The following PFDN1 variants were observed in gnomAD, a reference collection of about 807,000 sequenced individuals.
The protein encoded by PFDN1 is prefoldin 1.
In PFDN1, 6 loss-of-function variants were observed where a neutral mutation model predicts 17.3. That is an observed-to-expected ratio of 0.35 (90% CI 0.19 to 0.69). The LOEUF is 0.69. Ranked by LOEUF, PFDN1 falls within the 30% of genes least tolerant of loss-of-function variation. The probability of loss-of-function intolerance (pLI) is 0.65; values close to 1 mark genes in which losing one functional copy is unlikely to be tolerated. For missense variants in PFDN1, 113 were observed against 146.2 expected (o/e 0.77, Z 1.17); for synonymous variants, 58 against 50.1 (o/e 1.16, Z -0.67).
intron 2 of PFDN1, among the ~76,000 whole-genome samples, chr5:140,293,821 G>T (rs1322259821): frequency 6.6e-6 from 1 of 152,008 alleles, no homozygotes; most frequent in Non-Finnish European, 1.5e-5. Context: ...CTGTGCAAGA[G>T]GAATGTGTGC....
intron 3 of PFDN1, among the ~76,000 whole-genome samples, chr5:140,248,171 C>T (rs113151760): frequency 3.6e-3 from 542 of 151,554 alleles, no homozygotes; most frequent in Middle Eastern, 0.017. Context: ...CGGGTTCACA[C>T]GATTCTCCCG....
intron 2 of PFDN1, among the ~76,000 whole-genome samples, chr5:140,293,798 C>T (rs1239864211): frequency 6.6e-6 from 1 of 152,008 alleles, no homozygotes; most frequent in Non-Finnish European, 1.5e-5. Context: ...CTCCTCTCCC[C>T]AGAGTACTAA....
At chr5:140,251,035 A>C (rs540647434) in intron 3 of PFDN1, among the ~76,000 whole-genome samples, 1 of 152,110 alleles carries the variant, frequency 6.6e-6, no homozygotes, top group Non-Finnish European at 1.5e-5. Context: ...CCCAGGTTTA[A>C]GCAATTCTCC....
chr5:140,299,473 G>A (rs190707826), intron 2 of PFDN1, among the ~76,000 whole-genome samples: 4 of 151,864 alleles, frequency 2.6e-5, no homozygotes, highest in South Asian at 2.1e-4. Flanking sequence ...GGTAGCATGC[G>A]CCTGTAGTCC....
chr5:140,293,825 T>C (rs1219853838), intron 2 of PFDN1, among the ~76,000 whole-genome samples: 1 of 152,060 alleles, frequency 6.6e-6, no homozygotes, highest in African/African-American at 2.4e-5. Flanking sequence ...GCAAGAGGAA[T>C]GTGTGCCCAT....
intron 3 of PFDN1, among the ~76,000 whole-genome samples, chr5:140,249,760 AG>A (rs1212305282): frequency 6.6e-6 from 1 of 152,064 alleles, no homozygotes; most frequent in African/African-American, 2.4e-5. Flanking sequence ...GAAATGAGAG[AG>A]GAGGTGCCAG....
At chr5:140,289,744 A>ATT (rs1427048661) in intron 2 of PFDN1, among the ~76,000 whole-genome samples, 10 of 152,264 alleles carry the variant, frequency 6.6e-5, no homozygotes, top group Non-Finnish European at 1.2e-4. Context: ...CATGGCCCAA[A>ATT]TTAAACTCAT....
intron 2 of PFDN1, among the ~76,000 whole-genome samples, chr5:140,299,330 G>T (rs1482927628): frequency 2.0e-5 from 3 of 152,126 alleles, no homozygotes; most frequent in Non-Finnish European, 4.4e-5. Flanking sequence ...TGAGGCCAGG[G>T]GCGGTGGCTC....
intron 2 of PFDN1, among the ~76,000 whole-genome samples, chr5:140,294,629 G>C (rs1765626583): frequency 6.6e-6 from 1 of 152,006 alleles, no homozygotes; most frequent in South Asian, 2.1e-4. Flanking sequence ...GGGCAGTTCA[G>C]CCAAGCTGTC....
chr5:140,249,433 A>G (rs1006781215), intron 3 of PFDN1, among the ~76,000 whole-genome samples: 1 of 152,226 alleles, frequency 6.6e-6, no homozygotes, highest in Non-Finnish European at 1.5e-5. Flanking sequence ...GTATGATCCT[A>G]GCTTATAAAG....
At chr5:140,277,417 G>T (rs1765312949) in intron 3 of PFDN1, among the ~76,000 whole-genome samples, 1 of 152,014 alleles carries the variant, frequency 6.6e-6, no homozygotes, top group African/African-American at 2.4e-5. Flanking sequence ...GTGGCAGCCA[G>T]TTCAAAGGTG....
chr5:140,271,476 T>C (rs1765204922), intron 3 of PFDN1, among the ~76,000 whole-genome samples: 1 of 152,144 alleles, frequency 6.6e-6, no homozygotes, highest in Admixed American at 6.5e-5. Context: ...CTTGCATTGA[T>C]TTCTAAGATA....
At position 140,255,242 on chromosome 5, in the gene PFDN1, C is replaced by T. The variant is rs1449630492; in HGVS notation, c.286-9185G>A. ...TACCAAATCTACTAATCGACCTACA[C>T]CTGTATGTATAGTCTCTTCTTTCTC... is the stretch of plus-strand genomic sequence containing the variant. On this transcript the variant is annotated intron_variant, in intron 3 of 3. Transcript: ENST00000261813. 2.0e-5 allele frequency among the ~76,000 whole-genome samples: 3 copies of T among 152,170 alleles called. No individual in the cohort carries two copies. In the East Asian group the frequency reaches 5.8e-4, roughly 29 times the overall value.
At chr5:140,300,624 A>C (rs1188627172) in intron 1 of PFDN1, 42 bp from the exon 2 acceptor site, 1 of 1,379,772 alleles carries the variant, frequency 7.2e-7, no homozygotes, top group Non-Finnish European at 1.0e-6. Flanking sequence ...AAAACATTTT[A>C]CAGGAAACAT....
intron 2 of PFDN1, among the ~76,000 whole-genome samples, chr5:140,296,810 C>T (rs1765661503): frequency 6.6e-6 from 1 of 152,158 alleles, no homozygotes; most frequent in African/African-American, 2.4e-5. Flanking sequence ...CAACATATAA[C>T]ACAAACTAGT....
chr5:140,296,343 C>T (rs2126701610), intron 2 of PFDN1, among the ~76,000 whole-genome samples: 1 of 152,178 alleles, frequency 6.6e-6, no homozygotes, highest in Admixed American at 6.5e-5. Context: ...AGACATTATA[C>T]TGAGAATGAG....
At chr5:140,270,512 T>C (rs929147960) in intron 3 of PFDN1, among the ~76,000 whole-genome samples, 4 of 152,138 alleles carry the variant, frequency 2.6e-5, no homozygotes, top group Non-Finnish European at 5.9e-5. Context: ...TCTCTTATCT[T>C]AATCATAAAA....
intron 2 of PFDN1, among the ~76,000 whole-genome samples, chr5:140,286,371 C>T (rs920436384): frequency 2.2e-5 from 3 of 133,800 alleles, no homozygotes; most frequent in African/African-American, 5.7e-5. Context: ...AAGATCGTAC[C>T]ATTGCACTCC....
intron 2 of PFDN1, among the ~76,000 whole-genome samples, chr5:140,299,251 T>C (rs1351445113): frequency 6.6e-6 from 1 of 152,172 alleles, no homozygotes; most frequent in Non-Finnish European, 1.5e-5. Flanking sequence ...ATCATTTTTA[T>C]TACTGAACTT....
Sources: allele counts gnomAD v4.1 joint callset (sites outside exome capture counted in the v4.1 genomes callset), GRCh38; gene constraint gnomAD v4.1.1; transcripts MANE v1.5; gene names NCBI Gene and HGNC (gene_info 2026-07-23, HGNC 2026-07-21).